The following GRM3 variants were observed in gnomAD, a reference collection of about 807,000 sequenced individuals.
GRM3 encodes glutamate metabotropic receptor 3, also known as metabotropic glutamate receptor 3.
Under a neutral mutation model 70.5 loss-of-function variants are expected in GRM3, and 26 were observed. The ratio of observed to expected loss-of-function variants is 0.37; its 90% CI spans 0.27 to 0.51. The LOEUF (loss-of-function observed/expected upper bound fraction) is 0.51, where lower values mean the gene tolerates loss of function less well. Ranked by LOEUF, GRM3 falls within the 20% of genes least tolerant of loss-of-function variation. GRM3 has a pLI of 0.93. For missense variants in GRM3, 859 were observed against 1,123.8 expected, an observed-to-expected ratio of 0.76 and a Z score of 3.37; for synonymous variants, 443 against 434.9, an observed-to-expected ratio of 1.02 and a Z score of -0.23.
chr7:86,828,829 G>A (rs1798295418), intron 3 of GRM3, among the ~76,000 whole-genome samples: 1 of 152,202 alleles, frequency 6.6e-6, no homozygotes, highest in Non-Finnish European at 1.5e-5. Flanking sequence ...GATGCTGTTT[G>A]ACAGCATTTT....
In GRM3 at chr7:86,831,780, G is replaced by T. The variant is rs537941485; in HGVS notation, c.1325-7059G>T. 2.6e-5 allele frequency among the ~76,000 whole-genome samples: 3 copies of T among 117,358 alleles called. No individual in the cohort carries two copies. The Admixed American group carries it at 3.2e-4, about 12-fold the overall frequency. The allele number at this position is 117,358 out of a possible 152,430, so 77.0% of individuals were successfully genotyped here. A position where few individuals can be genotyped will look rare whatever the true frequency, so the allele number is the denominator to read the frequency against. On this transcript the variant is annotated intron_variant, in intron 3 of 5. Coordinates refer to ENST00000361669, the MANE Select transcript of GRM3 (RefSeq NM_000840.3). ...GAACTGAAGAGAGTCCTCTTCAAAAGTCATAGCACCGTTAAAAAAAAAAAA... is the reference window on the plus strand; with the variant it reads ...GAACTGAAGAGAGTCCTCTTCAAAATTCATAGCACCGTTAAAAAAAAAAAA...
At position 86,672,776 on chromosome 7, in the gene GRM3, T is replaced by C. The variant is rs137931819; in HGVS notation, c.-141+27904T>C. On this transcript the variant is annotated intron_variant, in intron 1 of 5. Transcript: ENST00000361669. ...GCTTTTAACCATGTCCCCTAAACTTTAGAAGACTCATGTCAAGCTTTCCAT... is the reference window on the plus strand; with the variant it reads ...GCTTTTAACCATGTCCCCTAAACTTCAGAAGACTCATGTCAAGCTTTCCAT... 5.9e-5 allele frequency among the ~76,000 whole-genome samples: 9 copies of C among 152,278 alleles called. No homozygotes were observed. In the East Asian group the frequency reaches 1.7e-3, roughly 29 times the overall value.
intron 4 of GRM3, among the ~76,000 whole-genome samples, chr7:86,843,421 T>C (rs999651465): frequency 6.6e-6 from 1 of 152,160 alleles, no homozygotes; most frequent in African/African-American, 2.4e-5. Flanking sequence ...GAAGCTCTTA[T>C]AGGAATTCAA....
intron 1 of GRM3, 46 bp from the exon 2 acceptor site, chr7:86,764,960 G>A: frequency 2.2e-6 from 3 of 1,367,422 alleles, no homozygotes; most frequent in Non-Finnish European, 2.9e-6. Flanking sequence ...TGTAATCACT[G>A]TTGCTTTCTT....
At chr7:86,834,848 A>G (rs1798424702) in intron 3 of GRM3, among the ~76,000 whole-genome samples, 1 of 152,002 alleles carries the variant, frequency 6.6e-6, no homozygotes, top group Non-Finnish European at 1.5e-5. Flanking sequence ...TTATTCTTAC[A>G]TCTGATATCA....
At chr7:86,743,860 C>G (rs561919743) in intron 1 of GRM3, among the ~76,000 whole-genome samples, 1 of 152,150 alleles carries the variant, frequency 6.6e-6, no homozygotes, top group South Asian at 2.1e-4. Context: ...CAAACCACTT[C>G]CATATGTAAT....
At chr7:86,789,783 T>A (rs1797360059) in intron 3 of GRM3, among the ~76,000 whole-genome samples, 1 of 152,202 alleles carries the variant, frequency 6.6e-6, no homozygotes, top group South Asian at 2.1e-4. Context: ...AAACTAGGCC[T>A]CCTGTGAATT....
intron 1 of GRM3, among the ~76,000 whole-genome samples, chr7:86,729,315 C>T (rs1036749398): frequency 3.9e-5 from 6 of 152,092 alleles, no homozygotes; most frequent in African/African-American, 1.2e-4. Context: ...AAGGATAAAG[C>T]GAGTTAATAT....
At chr7:86,656,293 T>C (rs1319220115) in intron 1 of GRM3, among the ~76,000 whole-genome samples, 1 of 121,738 alleles carries the variant, frequency 8.2e-6, no homozygotes, top group Non-Finnish European at 1.6e-5. Context: ...TGAGACAGAG[T>C]CTTGCTGTGT....
Position 86,839,108 on chromosome 7 carries a change from A to G in GRM3, c.1594A>G (p.Ile532Val). ...AGGGGATGTCTGCTGCTGGATTTGC[A>G]TCCCCTGTGAACCCTACGAATACCT... ...QPGDVCCWICIPCEPYEYLAD... is the reference protein window; with the variant it reads ...QPGDVCCWICVPCEPYEYLAD... The change falls in exon 4 of 6, where the codon ATC becomes GTC. Residue 532 changes from isoleucine (I) to valine (V), a missense_variant. Coordinates refer to ENST00000361669, the MANE Select transcript of GRM3 (RefSeq NM_000840.3). This position sits in a 1 kb window ranked among gnomAD's most constrained non-coding sequence, Gnocchi z 4.5. 13 of 1,614,098 alleles carry G rather than the reference A, an allele frequency of 8.1e-6. No individual in the cohort carries two copies. The highest frequency in any genetic ancestry group is 1.0e-5 in the Non-Finnish European group (12 of 1,179,984).
At chr7:86,835,177 A>T (rs1003824966) in intron 3 of GRM3, among the ~76,000 whole-genome samples, 51 of 152,086 alleles carry the variant, frequency 3.4e-4, no homozygotes, top group African/African-American at 1.2e-3. Context: ...AAGTATTATA[A>T]ATCAGTGGAA....
At chr7:86,781,515 C>A (rs938112522) in intron 2 of GRM3, among the ~76,000 whole-genome samples, 7 of 152,110 alleles carry the variant, frequency 4.6e-5, no homozygotes, top group African/African-American at 1.7e-4. Context: ...ATTTACATCT[C>A]TTCCTATATA....
intron 3 of GRM3, among the ~76,000 whole-genome samples, chr7:86,801,064 C>CTTTTTTTTTT (rs67046105): frequency 9.2e-5 from 8 of 86,822 alleles, no homozygotes; most frequent in Admixed American, 2.9e-4. Context: ...CAAACTTCTT[C>CTTTTTTTTTT]TTTTTTTTTT....
At chr7:86,815,906 T>A (rs547924762) in intron 3 of GRM3, among the ~76,000 whole-genome samples, 113 of 152,046 alleles carry the variant, frequency 7.4e-4, no homozygotes, top group African/African-American at 2.5e-3. Flanking sequence ...TGATTCAGTG[T>A]AGTAGAAAGA....
At chr7:86,707,779 T>G (rs1795093629) in intron 1 of GRM3, among the ~76,000 whole-genome samples, 1 of 152,098 alleles carries the variant, frequency 6.6e-6, no homozygotes, top group Admixed American at 6.6e-5. Context: ...GCAGAATGCT[T>G]TTATCATCTC....
intron 5 of GRM3, among the ~76,000 whole-genome samples, chr7:86,859,560 G>GA (rs3831548): frequency 0.016 from 2,498 of 152,184 alleles, 51 homozygotes; most frequent in East Asian, 0.092. Context: ...GACTTCCTGG[G>GA]AAAAAATTAT....
chr7:86,849,456 C>T (rs1433538951), intron 4 of GRM3, among the ~76,000 whole-genome samples: 1 of 152,080 alleles, frequency 6.6e-6, no homozygotes, highest in Non-Finnish European at 1.5e-5. Context: ...TAAAATGAAG[C>T]ATTCTAAAAT....
At chr7:86,660,713 G>A (rs1265438827) in intron 1 of GRM3, among the ~76,000 whole-genome samples, 1 of 151,866 alleles carries the variant, frequency 6.6e-6, no homozygotes, top group Non-Finnish European at 1.5e-5. Context: ...CAAAGAGGAG[G>A]TTTAAGCATT....
intron 1 of GRM3, among the ~76,000 whole-genome samples, chr7:86,662,995 C>T (rs1584147013): frequency 6.6e-6 from 1 of 151,592 alleles, no homozygotes; most frequent in East Asian, 1.9e-4. Flanking sequence ...AATTTGAGGC[C>T]AGTATAAAGA....
Sources: allele counts gnomAD v4.1 joint callset (sites outside exome capture counted in the v4.1 genomes callset), GRCh38; gene constraint gnomAD v4.1.1; non-coding constraint Gnocchi (gnomAD v3.1); transcripts MANE v1.5; gene names NCBI Gene and HGNC (gene_info 2026-07-23, HGNC 2026-07-21).